Variants in TRDN observed in about 807,000 individuals in gnomAD.
TRDN encodes the protein triadin.
Under a neutral mutation model 149.7 loss-of-function variants are expected in TRDN, and 161 were observed. The observed-to-expected ratio is 1.08, with a 90% CI of 0.95 to 1.23. The LOEUF (loss-of-function observed/expected upper bound fraction) is 1.23. Among genes scored for constraint, TRDN ranks in the 50% most tolerant of loss-of-function variants. TRDN has a pLI of 0.00. For synonymous variants in TRDN, 294 were observed against 250.5 expected (o/e 1.17, Z -1.64); for missense variants, 896 against 823.5 (o/e 1.09, Z -1.08).
intron 4 of TRDN, among the ~76,000 whole-genome samples, chr6:123,542,757 A>G (rs1487456710): frequency 1.3e-5 from 2 of 152,028 alleles, no homozygotes; most frequent in Admixed American, 1.3e-4. Flanking sequence ...CCTATGCTGA[A>G]AAAAACATAT....
In TRDN at chr6:123,525,923, T is replaced by A. The variant is rs1294595060; in HGVS notation, c.484+4583A>T. Among the ~76,000 whole-genome samples, 3 of 152,030 alleles carry A rather than the reference T, an allele frequency of 2.0e-5. 1 individual carries two copies. Among genetic ancestry groups the A allele is most frequent in the Non-Finnish European group, 4.4e-5 (3 of 67,994 alleles). On this transcript the variant is annotated intron_variant, in intron 5 of 40. Transcript: ENST00000334268. ...CCTCTAAAGTATAACTATATCCTAG[T>A]CTCTGGAATCTGCGAATGTTACATA...
chr6:123,592,425 C>T (rs17701694), intron 1 of TRDN, among the ~76,000 whole-genome samples: 8,799 of 152,126 alleles, frequency 0.058, 312 homozygotes, highest in South Asian at 0.1. Flanking sequence ...TATTTACTGT[C>T]GGGGGACTCA....
At chr6:123,362,237 T>C (rs2114343415) in intron 20 of TRDN, among the ~76,000 whole-genome samples, 1 of 152,304 alleles carries the variant, frequency 6.6e-6, no homozygotes, top group South Asian at 2.1e-4. Context: ...ATCTCATAAC[T>C]AATGCCCTAG....
chr6:123,256,247 G>A (rs1341321210), intron 35 of TRDN, among the ~76,000 whole-genome samples: 2 of 152,070 alleles, frequency 1.3e-5, no homozygotes, highest in African/African-American at 4.8e-5. Context: ...CTTCATCCAT[G>A]TCCCTGCAAA....
chr6:123,588,824 A>C (rs1394558892), intron 1 of TRDN, among the ~76,000 whole-genome samples: 2 of 152,228 alleles, frequency 1.3e-5, no homozygotes, highest in Non-Finnish European at 2.9e-5. Context: ...GTTTAAAGAA[A>C]TGCTGTAAAA....
intron 12 of TRDN, among the ~76,000 whole-genome samples, chr6:123,396,017 T>C (rs1206176857): frequency 2.0e-5 from 3 of 152,160 alleles, no homozygotes; most frequent in South Asian, 2.1e-4. Context: ...CTTGAAACTA[T>C]TGAGGACACA....
At chr6:123,337,500 TG>T (rs1779916360) in intron 22 of TRDN, 118 bp downstream of exon 22, 1 of 351,304 alleles carries the variant, frequency 2.8e-6, no homozygotes, top group South Asian at 1.1e-4. Flanking sequence ...AAAATATGTG[TG>T]TGACCTCTGC....
At chr6:123,492,846 T>A (rs1778280414) in intron 9 of TRDN, among the ~76,000 whole-genome samples, 1 of 152,168 alleles carries the variant, frequency 6.6e-6, no homozygotes, top group African/African-American at 2.4e-5. Flanking sequence ...ACAAGTAGAC[T>A]ACTTTAAGCC....
intron 4 of TRDN, among the ~76,000 whole-genome samples, chr6:123,538,840 A>G (rs976207527): frequency 6.6e-6 from 1 of 152,080 alleles, no homozygotes; most frequent in Non-Finnish European, 1.5e-5. Flanking sequence ...AGGTTAATTC[A>G]TTTTTTCTCT....
chr6:123,391,139 T>C (rs879782388), intron 13 of TRDN, among the ~76,000 whole-genome samples: 5 of 152,088 alleles, frequency 3.3e-5, no homozygotes, highest in Admixed American at 1.3e-4. Flanking sequence ...CAATTTTTTA[T>C]GTAATACCTG....
intron 4 of TRDN, among the ~76,000 whole-genome samples, chr6:123,532,246 C>T (rs67829690): frequency 0.25 from 38,609 of 151,844 alleles, 5,288 homozygotes; most frequent in Non-Finnish European, 0.3. Flanking sequence ...ATATGAATTA[C>T]ATTTTGAAAT....
At chr6:123,225,063 A>C (rs1775305229) in intron 38 of TRDN, among the ~76,000 whole-genome samples, 1 of 150,440 alleles carries the variant, frequency 6.6e-6, no homozygotes, top group African/African-American at 2.5e-5. Flanking sequence ...ACAAAAAACA[A>C]ATAAATGGGC....
chr6:123,580,427 G>A (rs954454298), intron 1 of TRDN, among the ~76,000 whole-genome samples: 1 of 152,126 alleles, frequency 6.6e-6, no homozygotes, highest in Non-Finnish European at 1.5e-5. Flanking sequence ...TGAGAAAGAT[G>A]GGACTGTGAT....
At chr6:123,465,267 T>C (rs1291653736) in intron 9 of TRDN, among the ~76,000 whole-genome samples, 1 of 152,106 alleles carries the variant, frequency 6.6e-6, no homozygotes. Context: ...AAAATGTACA[T>C]GTACTCAAAT....
chr6:123,360,050 A>G (rs1780839367), intron 20 of TRDN, among the ~76,000 whole-genome samples: 1 of 152,080 alleles, frequency 6.6e-6, no homozygotes, highest in African/African-American at 2.4e-5. Context: ...CCGGGGTACA[A>G]GTGCAGGAAG....
chr6:123,353,910 T>G (rs1354610787), intron 20 of TRDN, among the ~76,000 whole-genome samples: 1 of 151,814 alleles, frequency 6.6e-6, no homozygotes, highest in Non-Finnish European at 1.5e-5. Flanking sequence ...AGATAAATCT[T>G]ACATAACACA....
chr6:123,570,456 A>G (rs1454285201), intron 2 of TRDN, among the ~76,000 whole-genome samples: 2 of 152,234 alleles, frequency 1.3e-5, no homozygotes, highest in South Asian at 2.1e-4. Context: ...AGAAGCAAAG[A>G]GTTTGTCTGG....
intron 38 of TRDN, among the ~76,000 whole-genome samples, chr6:123,231,725 C>G (rs1253107534): frequency 1.3e-5 from 2 of 151,860 alleles, no homozygotes; most frequent in Non-Finnish European, 2.9e-5. Flanking sequence ...GGAAGAATGA[C>G]AAGTCAGAAA....
intron 8 of TRDN, among the ~76,000 whole-genome samples, chr6:123,501,600 A>T (rs1778702418): frequency 1.3e-5 from 2 of 152,082 alleles, no homozygotes; most frequent in South Asian, 4.1e-4. Flanking sequence ...ACATATTTAT[A>T]TGTCTGATCT....
Sources: allele counts gnomAD v4.1 joint callset (sites outside exome capture counted in the v4.1 genomes callset), GRCh38; gene constraint gnomAD v4.1.1; transcripts MANE v1.5; gene names NCBI Gene and HGNC (gene_info 2026-07-23, HGNC 2026-07-21).